The following PCDHA3 variants were observed in gnomAD, a reference collection of about 807,000 sequenced individuals.
PCDHA3 encodes the protein protocadherin alpha-3.
PCDHA3 carries 41 observed loss-of-function variants against 62.2 expected under a neutral mutation model. That is an observed-to-expected ratio of 0.66 (90% CI 0.51 to 0.86). PCDHA3 has a LOEUF of 0.86. Ranked by LOEUF, PCDHA3 falls within the 40% of genes least tolerant of loss-of-function variation. The pLI is 0.00. For synonymous variants in PCDHA3, 640 were observed against 555.4 expected (o/e 1.15, Z -2.14); for missense variants, 1,304 against 1,241.2 (o/e 1.05, Z -0.76).
At chr5:140,924,416 T>G (rs1283567998) in intron 1 of PCDHA3, among the ~76,000 whole-genome samples, 1 of 152,192 alleles carries the variant, frequency 6.6e-6, no homozygotes, top group African/African-American at 2.4e-5. Context: ...CAGTGTGCCC[T>G]TTCTAGTTCC....
chr5:140,969,123 C>G, intron 1 of PCDHA3: 1 of 1,614,172 alleles, frequency 6.2e-7, no homozygotes, highest in Non-Finnish European at 8.5e-7. Flanking sequence ...GGGAATGGCT[C>G]CCTCACCAAG....
intron 1 of PCDHA3, among the ~76,000 whole-genome samples, chr5:140,956,438 G>A (rs891696288): frequency 1.3e-5 from 2 of 152,154 alleles, no homozygotes; most frequent in Non-Finnish European, 2.9e-5. Context: ...TTCTGCTTAT[G>A]TGATGAATTA....
At chr5:140,974,426 G>T (rs1417085676) in intron 1 of PCDHA3, among the ~76,000 whole-genome samples, 1 of 152,152 alleles carries the variant, frequency 6.6e-6, no homozygotes, top group Non-Finnish European at 1.5e-5. Flanking sequence ...TTACTTTCCT[G>T]GTTTGTAAAT....
chr5:140,882,161 T>C (rs1235221234), intron 1 of PCDHA3: 1 of 1,509,194 alleles, frequency 6.6e-7, no homozygotes, highest in African/African-American at 1.4e-5. Flanking sequence ...GGAATACCTC[T>C]TGCGAATCCT....
intron 1 of PCDHA3, chr5:140,824,445 C>T (rs1945825147): frequency 2.2e-6 from 1 of 463,122 alleles, no homozygotes; most frequent in African/African-American, 2.0e-5. Context: ...CAGTTTATGA[C>T]TACATGAAAA....
chr5:140,975,630 G>A (rs182087841), intron 1 of PCDHA3, among the ~76,000 whole-genome samples: 16 of 152,316 alleles, frequency 1.1e-4, no homozygotes, highest in Admixed American at 3.3e-4. Flanking sequence ...TCCATGGTAC[G>A]AAGATAGCAT....
At chr5:140,943,761 A>T (rs1219179710) in intron 1 of PCDHA3, among the ~76,000 whole-genome samples, 1 of 152,248 alleles carries the variant, frequency 6.6e-6, no homozygotes, top group Non-Finnish European at 1.5e-5. Context: ...TAGGAGATGT[A>T]GGAAAAAAAC....
intron 1 of PCDHA3, among the ~76,000 whole-genome samples, chr5:140,913,296 T>A (rs538964015): frequency 2.1e-4 from 32 of 152,322 alleles, no homozygotes; most frequent in African/African-American, 7.0e-4. Flanking sequence ...TTTAATTTCT[T>A]CATAGATCAA....
In PCDHA3 at chr5:141,010,237, G is replaced by C; in HGVS notation, c.*300G>C. 2.6e-6 allele frequency: 4 copies of C among 1,551,914 alleles called. No individual in the cohort carries two copies. The highest frequency in any genetic ancestry group is 3.5e-6 in the Non-Finnish European group (4 of 1,147,042). On this transcript the variant is annotated 3_prime_UTR_variant, in exon 4 of 4. Coordinates refer to ENST00000522353, the MANE Select transcript of PCDHA3 (RefSeq NM_018906.3). ...AGAGGCTTCCCAGCCCCGCCAGTGA[G>C]AGGTTGGACTCTCTGCCCTGTGCTC...
intron 1 of PCDHA3, among the ~76,000 whole-genome samples, chr5:140,831,951 A>C (rs1771772559): frequency 6.6e-6 from 1 of 152,140 alleles, no homozygotes; most frequent in Admixed American, 6.6e-5. Context: ...GAAAAGAAAA[A>C]CTTTATGTCA....
chr5:140,901,815 A>T (rs1339282567), intron 1 of PCDHA3, among the ~76,000 whole-genome samples: 1 of 152,122 alleles, frequency 6.6e-6, no homozygotes, highest in African/African-American at 2.4e-5. Context: ...TACAATATTG[A>T]TTCTTCCAGT....
At chr5:140,827,343 TGAAAA>T (rs1769258641) in intron 1 of PCDHA3, among the ~76,000 whole-genome samples, 1 of 152,128 alleles carries the variant, frequency 6.6e-6, no homozygotes, top group South Asian at 2.1e-4. Context: ...GTGAAGTATA[TGAAAA>T]GAAAATATTT....
In PCDHA3 at chr5:140,969,100, C is replaced by T. The variant is rs781998624; in HGVS notation, c.2395-9849C>T. ...ATGGCCTCAAAGTGCAGCCTCACTT[C>T]ATTGAAGTTCGAGGGAATGGCTCCC... On this transcript the variant is annotated intron_variant, in intron 1 of 3. Coordinates refer to ENST00000522353, the MANE Select transcript of PCDHA3 (RefSeq NM_018906.3). The T allele has an allele frequency of 8.7e-6, 14 of 1,614,054 alleles. No individual in the cohort carries two copies. The South Asian group carries it at 8.8e-5, about 10-fold the overall frequency.
intron 1 of PCDHA3, chr5:140,815,957 G>T (rs181036554): frequency 6.6e-6 from 1 of 152,242 alleles, no homozygotes; most frequent in African/African-American, 2.4e-5. Context: ...GTAGAGTTAG[G>T]GGTGTTCTTT....
intron 3 of PCDHA3, among the ~76,000 whole-genome samples, chr5:140,994,758 G>A (rs150618369): frequency 1.3e-5 from 2 of 152,248 alleles, no homozygotes; most frequent in East Asian, 3.9e-4. Flanking sequence ...GATGTGGAGA[G>A]GAAGAGAATT....
At chr5:140,912,523 A>G (rs550105639) in intron 1 of PCDHA3, among the ~76,000 whole-genome samples, 1 of 152,248 alleles carries the variant, frequency 6.6e-6, no homozygotes, top group East Asian at 1.9e-4. Context: ...TAGGGTTTTC[A>G]GAGTACATGA....
At chr5:140,877,163 C>T (rs782243946) in intron 1 of PCDHA3, 3 of 1,613,816 alleles carry the variant, frequency 1.9e-6, no homozygotes, top group Non-Finnish European at 2.5e-6. Context: ...AACGCGCCGG[C>T]ACTGCTGGCG....
chr5:140,915,677 A>C (rs1352514451), intron 1 of PCDHA3, among the ~76,000 whole-genome samples: 4 of 150,138 alleles, frequency 2.7e-5, no homozygotes, highest in African/African-American at 9.8e-5. Flanking sequence ...GCCATCTTGA[A>C]CTAGGGGTAT....
intron 1 of PCDHA3, chr5:140,862,685 C>A (rs782248340): frequency 7.2e-6 from 4 of 552,774 alleles, no homozygotes; most frequent in Non-Finnish European, 1.4e-5. Context: ...GTGCTGGTGT[C>A]CTACTCGTTG....
Sources: gnomAD v4.1 joint callset for allele counts (sites outside exome capture counted in the v4.1 genomes callset) on GRCh38, gnomAD v4.1.1 for gene constraint, MANE v1.5 for transcripts, NCBI Gene and HGNC (gene_info 2026-07-23, HGNC 2026-07-21) for gene names.